RAB3GAP2: variants seen among roughly 807,000 people sequenced by gnomAD.
The protein encoded by RAB3GAP2 is rab3 GTPase-activating protein non-catalytic subunit.
RAB3GAP2 carries 87 observed loss-of-function variants against 185.3 expected under a neutral mutation model. The observed-to-expected ratio is 0.47, with a 90% CI of 0.39 to 0.56. RAB3GAP2 has a LOEUF of 0.56. Among genes scored for constraint, RAB3GAP2 ranks in the 20% least tolerant of loss-of-function variants. The pLI, the probability that RAB3GAP2 is intolerant of heterozygous loss-of-function variation, is 0.00. For missense variants in RAB3GAP2, 1,492 were observed against 1,638.2 expected, an observed-to-expected ratio of 0.91 and a Z score of 1.54; for synonymous variants, 554 against 576.1, an observed-to-expected ratio of 0.96 and a Z score of 0.55.
intron 2 of RAB3GAP2, among the ~76,000 whole-genome samples, chr1:220,216,387 T>C (rs1309173771): frequency 6.6e-6 from 1 of 152,164 alleles, no homozygotes; most frequent in Non-Finnish European, 1.5e-5. Flanking sequence ...TAAAACTTAG[T>C]TGTAATTAAA....
chr1:220,194,085 G>A (rs950829533), intron 12 of RAB3GAP2, among the ~76,000 whole-genome samples: 10 of 152,078 alleles, frequency 6.6e-5, no homozygotes, highest in Middle Eastern at 3.4e-3. Context: ...GCTATACTTC[G>A]ATAAATTTTA....
At chr1:220,217,459 C>T (rs1659220597) in intron 2 of RAB3GAP2, among the ~76,000 whole-genome samples, 1 of 152,044 alleles carries the variant, frequency 6.6e-6, no homozygotes, top group African/African-American at 2.4e-5. Context: ...GTTCCAGTTC[C>T]TCTGGCAAAC....
intron 1 of RAB3GAP2, among the ~76,000 whole-genome samples, chr1:220,247,423 A>C (rs1359775309): frequency 1.3e-5 from 2 of 152,226 alleles, no homozygotes; most frequent in African/African-American, 4.8e-5. Context: ...TCACTCAGCT[A>C]TATTAAGGAA....
chr1:220,198,504 G>C (rs1451121706), intron 9 of RAB3GAP2, among the ~76,000 whole-genome samples: 3 of 152,062 alleles, frequency 2.0e-5, no homozygotes, highest in Non-Finnish European at 2.9e-5. Flanking sequence ...ACTGAATTTA[G>C]GGGGCTTTTA....
intron 2 of RAB3GAP2, among the ~76,000 whole-genome samples, chr1:220,230,387 A>G (rs1659476312): frequency 6.6e-6 from 1 of 152,250 alleles, no homozygotes. Flanking sequence ...AAAGCAGAAT[A>G]GCTGAGGCTC....
At chr1:220,248,951 C>T (rs1474314910) in intron 1 of RAB3GAP2, among the ~76,000 whole-genome samples, 1 of 152,210 alleles carries the variant, frequency 6.6e-6, no homozygotes, top group East Asian at 1.9e-4. Flanking sequence ...TTTCCTGAGG[C>T]CTCCCCAGCC....
chr1:220,249,413 C>T (rs994301053), intron 1 of RAB3GAP2, among the ~76,000 whole-genome samples: 1 of 152,124 alleles, frequency 6.6e-6, no homozygotes, highest in African/African-American at 2.4e-5. Context: ...TGCCCCTGCC[C>T]TAGAGGTTGG....
At chr1:220,266,903 T>G (rs1029745183) in intron 1 of RAB3GAP2, 14 of 1,590,558 alleles carry the variant, frequency 8.8e-6, no homozygotes, top group Non-Finnish European at 1.2e-5. Context: ...GATATTCTTT[T>G]GTAGGTCTCT....
intron 1 of RAB3GAP2, among the ~76,000 whole-genome samples, chr1:220,271,687 A>G (rs189272303): frequency 1.2e-3 from 179 of 152,216 alleles, no homozygotes; most frequent in African/African-American, 4.1e-3. Flanking sequence ...GGAAATGCAG[A>G]TGAAAGAAGG....
chr1:220,183,011 C>T, intron 19 of RAB3GAP2, 80 bp from the exon 20 acceptor site: 1 of 1,203,798 alleles, frequency 8.3e-7, no homozygotes, highest in Non-Finnish European at 1.2e-6. Context: ...AGGCTGTAAG[C>T]AAAAGTCGAC....
intron 27 of RAB3GAP2, 136 bp downstream of exon 27, chr1:220,164,597 A>G: frequency 2.3e-6 from 3 of 1,297,508 alleles, no homozygotes; most frequent in Non-Finnish European, 2.1e-6. Flanking sequence ...ACCTCAGCCA[A>G]TACACAGTAA....
chr1:220,255,530 A>G (rs1264337154), intron 1 of RAB3GAP2, among the ~76,000 whole-genome samples: 2 of 152,346 alleles, frequency 1.3e-5, no homozygotes, highest in African/African-American at 4.8e-5. Flanking sequence ...GCTAAGAATC[A>G]TGATCAAACA....
intron 21 of RAB3GAP2, among the ~76,000 whole-genome samples, chr1:220,173,199 G>C (rs1263903045): frequency 6.6e-6 from 1 of 152,152 alleles, no homozygotes; most frequent in Non-Finnish European, 1.5e-5. Flanking sequence ...GTACATAAAA[G>C]TATCAAACTC....
At chr1:220,193,109 G>T in intron 13 of RAB3GAP2, 131 bp downstream of exon 13, 1 of 1,180,166 alleles carries the variant, frequency 8.5e-7, no homozygotes, top group Non-Finnish European at 1.2e-6. Flanking sequence ...CTGAGTTCAT[G>T]TCAAAAAAAG....
At chr1:220,261,693 C>T (rs1660139376) in intron 1 of RAB3GAP2, among the ~76,000 whole-genome samples, 1 of 152,174 alleles carries the variant, frequency 6.6e-6, no homozygotes, top group African/African-American at 2.4e-5. Flanking sequence ...CTTTGAACTG[C>T]CCAATCTATT....
At chr1:220,186,391 C>T (rs1658507923) in intron 17 of RAB3GAP2, among the ~76,000 whole-genome samples, 2 of 152,102 alleles carry the variant, frequency 1.3e-5, no homozygotes, top group South Asian at 4.1e-4. Flanking sequence ...AAAAAGTAGG[C>T]TGAGAATGTG....
chr1:220,228,925 C>T (rs544096428), intron 2 of RAB3GAP2, among the ~76,000 whole-genome samples: 1 of 152,328 alleles, frequency 6.6e-6, no homozygotes, highest in South Asian at 2.1e-4. Flanking sequence ...AAATGTTCTA[C>T]ATGTCAGTAT....
At position 220,194,059 on chromosome 1, in the gene RAB3GAP2, GA is replaced by G. The variant is rs568700229; in HGVS notation, c.1131-681del. On this transcript the variant is annotated intron_variant, in intron 12 of 34. Coordinates refer to ENST00000358951, the MANE Select transcript of RAB3GAP2 (RefSeq NM_012414.4). Reference sequence around the variant, plus strand: ...GTTACAATGTATTTTTTAAAAAGATGAAAAAAAACTTAGAAGCTATACTTCG... The same window carrying G: ...GTTACAATGTATTTTTTAAAAAGATGAAAAAAACTTAGAAGCTATACTTCG... Among the ~76,000 whole-genome samples, 6 of 151,272 alleles carry G rather than the reference GA, an allele frequency of 4.0e-5. No individual in the cohort carries two copies. In the South Asian group the frequency reaches 6.3e-4, roughly 16 times the overall value.
chr1:220,172,770 T>C, intron 21 of RAB3GAP2, 28 bp from the exon 22 acceptor site: 1 of 1,518,354 alleles, frequency 6.6e-7, no homozygotes, highest in South Asian at 1.1e-5. Flanking sequence ...TCTTTTTCAG[T>C]CTAAAAAAAA....
Sources: allele counts gnomAD v4.1 joint callset (sites outside exome capture counted in the v4.1 genomes callset), GRCh38; gene constraint gnomAD v4.1.1; transcripts MANE v1.5; gene names NCBI Gene and HGNC (gene_info 2026-07-23, HGNC 2026-07-21).